Variants in RBM39 observed in about 807,000 individuals in gnomAD.
RBM39 encodes RNA-binding protein 39.
RBM39 carries 12 observed loss-of-function variants against 79.6 expected under a neutral mutation model. The observed-to-expected ratio is 0.15, with a 90% CI of 0.10 to 0.24. RBM39 has a LOEUF of 0.24. Among genes scored for constraint, RBM39 ranks in the 10% least tolerant of loss-of-function variants. The pLI is 1.00. For synonymous variants in RBM39, 185 were observed against 208.4 expected (o/e 0.89, Z 0.97); for missense variants, 243 against 653.4 (o/e 0.37, Z 6.85).
intron 2 of RBM39, chr20:35,740,070 A>C (rs1569086294): frequency 6.4e-6 from 1 of 156,960 alleles, no homozygotes; most frequent in Non-Finnish European, 1.4e-5. Context: ...TTTAGTGTGA[A>C]ATACTATGGT....
chr20:35,704,879 G>T, intron 15 of RBM39, 133 bp from the exon 16 acceptor site: 1 of 692,326 alleles, frequency 1.4e-6, no homozygotes, highest in Non-Finnish European at 2.4e-6. Flanking sequence ...GGTTCCACTG[G>T]CTAATAGGTA....
chr20:35,737,162 CAGGTGGATCACG>C (rs1217720748), intron 3 of RBM39, among the ~76,000 whole-genome samples: 1 of 151,626 alleles, frequency 6.6e-6, no homozygotes, highest in East Asian at 2.0e-4. Context: ...GAGGCCAAGG[CAGGTGGATCACG>C]AGGTCAGGAG....
At chr20:35,721,965 G>A (rs1178882713) in intron 8 of RBM39, 88 bp from the exon 9 acceptor site, 3 of 1,440,164 alleles carry the variant, frequency 2.1e-6, no homozygotes, top group Non-Finnish European at 2.9e-6. Context: ...TAATGTTAAA[G>A]TTTAGAGTGA....
At chr20:35,736,855 G>A (rs948521276) in intron 3 of RBM39, among the ~76,000 whole-genome samples, 1 of 151,626 alleles carries the variant, frequency 6.6e-6, no homozygotes, top group East Asian at 2.0e-4. Flanking sequence ...GTTTCACCAT[G>A]TTGGCCAGGA....
chr20:35,708,963 A>G, intron 13 of RBM39: 2 of 352,850 alleles, frequency 5.7e-6, no homozygotes, highest in South Asian at 4.0e-5. Context: ...GGTAGGCATA[A>G]AACAAAAACA....
rs965551629 is a variant in RBM39 at position 35,702,537 on chromosome 20, C to T, written c.*1944G>A. 6.6e-6 allele frequency: 1 copy of T among 152,212 alleles called. No homozygotes were observed. Among genetic ancestry groups the T allele is most frequent in the Non-Finnish European group, 1.5e-5 (1 of 68,042 alleles). The allele number at this position is 152,212 out of a possible 1,614,324, so 9.4% of individuals were successfully genotyped here. On this transcript the variant is annotated 3_prime_UTR_variant, in exon 17 of 17. Coordinates refer to ENST00000253363, the MANE Select transcript of RBM39 (RefSeq NM_184234.3). ...TGACACAACAAATTTGTTAGGAAGA[C>T]TTGGTTCAAGGGGAAAAACTGATAG...
chr20:35,723,208 C>T (rs1375954171), intron 8 of RBM39, among the ~76,000 whole-genome samples: 1 of 150,648 alleles, frequency 6.6e-6, no homozygotes, highest in Non-Finnish European at 1.5e-5. Context: ...CAGCTGTCAT[C>T]CCTCCATAAC....
chr20:35,734,178 ACACC>A (rs1230360732), intron 3 of RBM39: 2 of 1,295,740 alleles, frequency 1.5e-6, no homozygotes, highest in Non-Finnish European at 2.0e-6. Context: ...GAAAATGAAG[ACACC>A]CACCTTCTGG....
At chr20:35,724,178 A>T (rs190123472) in intron 8 of RBM39, among the ~76,000 whole-genome samples, 113 of 152,120 alleles carry the variant, frequency 7.4e-4, no homozygotes, top group African/African-American at 2.5e-3. Context: ...CTAAAAACAC[A>T]AAAAGTAGCC....
chr20:35,728,008 G>C (rs1421317340), intron 6 of RBM39, among the ~76,000 whole-genome samples: 2 of 152,004 alleles, frequency 1.3e-5, no homozygotes, highest in African/African-American at 4.8e-5. Flanking sequence ...GGCTGGTCTC[G>C]ATCTCTTGAC....
rs938474104 is a variant in RBM39, at chr20:35,733,044, T to C, written c.102-909A>G. On this transcript the variant is annotated intron_variant, in intron 3 of 16. Transcript: ENST00000253363. Reference sequence around the variant, plus strand: ...GCAGGCCAGTGCAGTGGCTCACGCCTGTAATCCCAACCCTTTGGGAGGCCG... The same window carrying C: ...GCAGGCCAGTGCAGTGGCTCACGCCCGTAATCCCAACCCTTTGGGAGGCCG... Among the ~76,000 whole-genome samples, 9 of 152,228 alleles carry C rather than the reference T, an allele frequency of 5.9e-5. No homozygotes were observed. The South Asian group carries it at 6.2e-4, about 11-fold the overall frequency.
intron 9 of RBM39, 43 bp downstream of exon 9, chr20:35,721,697 G>A: frequency 1.9e-6 from 3 of 1,600,766 alleles, no homozygotes; most frequent in Non-Finnish European, 2.6e-6. Flanking sequence ...GTTATACTCA[G>A]ATCAACAACC....
intron 9 of RBM39, among the ~76,000 whole-genome samples, chr20:35,721,212 G>C (rs554072210): frequency 6.6e-6 from 1 of 152,090 alleles, no homozygotes; most frequent in Non-Finnish European, 1.5e-5. Flanking sequence ...TGGGGTTACA[G>C]GTGTGAGCCA....
At chr20:35,737,789 C>T (rs113277959) in intron 3 of RBM39, among the ~76,000 whole-genome samples, 4 of 137,458 alleles carry the variant, frequency 2.9e-5, no homozygotes, top group African/African-American at 5.6e-5. Context: ...GCGGAGCTTG[C>T]AGTGAGCAGA....
chr20:35,725,224 T>C, intron 6 of RBM39, 69 bp from the exon 7 acceptor site: 1 of 1,116,668 alleles, frequency 9.0e-7, no homozygotes, highest in Non-Finnish European at 1.3e-6. Context: ...CTTTTTTATT[T>C]CTTCATATAG....
At chr20:35,721,091 C>T (rs1272827637) in intron 9 of RBM39, among the ~76,000 whole-genome samples, 1 of 152,048 alleles carries the variant, frequency 6.6e-6, no homozygotes, top group African/African-American at 2.4e-5. Flanking sequence ...CAGAGACGCA[C>T]CAACACGCCC....
intron 12 of RBM39, 48 bp downstream of exon 12, chr20:35,712,971 G>GA (rs1320769684): frequency 4.3e-5 from 66 of 1,525,332 alleles, no homozygotes; most frequent in Non-Finnish European, 5.3e-5. Context: ...GAAAATTTTC[G>GA]AATTAGATGA....
intron 8 of RBM39, 115 bp from the exon 9 acceptor site, chr20:35,721,992 C>T (rs531347248): frequency 2.1e-5 from 25 of 1,214,184 alleles, no homozygotes; most frequent in Middle Eastern, 2.4e-4. Flanking sequence ...TACTACCCTA[C>T]GTAAGTCAGA....
rs936855098 is a variant in RBM39, at chr20:35,703,242, T to G, written c.*1239A>C. ...TAATATATGCACCTTATTTAATATATTAATATATAAATCAATTTTGGAAAC... is the reference window on the plus strand; with the variant it reads ...TAATATATGCACCTTATTTAATATAGTAATATATAAATCAATTTTGGAAAC... On this transcript the variant is annotated 3_prime_UTR_variant, in exon 17 of 17. Transcript: ENST00000253363. 6.6e-6 allele frequency: 1 copy of G among 152,130 alleles called. No individual in the cohort carries two copies. The highest frequency in any genetic ancestry group is 2.4e-5 in the African/African-American group (1 of 41,434). The allele number at this position is 152,130 out of a possible 1,614,324, so 9.4% of individuals were successfully genotyped here. A position where few individuals can be genotyped will look rare whatever the true frequency, so the allele number is the denominator to read the frequency against.
Sources: gnomAD v4.1 joint callset for allele counts (sites outside exome capture counted in the v4.1 genomes callset) on GRCh38, gnomAD v4.1.1 for gene constraint, MANE v1.5 for transcripts, NCBI Gene and HGNC (gene_info 2026-07-23, HGNC 2026-07-21) for gene names.